Variants in LPP observed in about 807,000 individuals in gnomAD.
The protein encoded by LPP is LIM domain containing preferred translocation partner in lipoma.
A neutral mutation model predicts 60.4 loss-of-function variants in LPP; 38 were observed. That is an observed-to-expected ratio of 0.63 (90% CI 0.49 to 0.83). LPP has a LOEUF of 0.83. LPP is among the 40% of genes least tolerant of loss of function. The pLI, the probability that LPP is intolerant of heterozygous loss-of-function variation, is 0.00. For missense variants in LPP, 902 were observed against 783.6 expected (o/e 1.15, Z -1.80); for synonymous variants, 328 against 290.8 (o/e 1.13, Z -1.30).
intron 9 of LPP, among the ~76,000 whole-genome samples, chr3:188,800,417 T>C (rs1746778074): frequency 6.6e-6 from 1 of 151,890 alleles, no homozygotes; most frequent in Non-Finnish European, 1.5e-5. Flanking sequence ...GGCTAATTTT[T>C]TGTATTTTTA....
At chr3:188,415,118 A>T (rs182200862) in intron 4 of LPP, among the ~76,000 whole-genome samples, 64 of 152,334 alleles carry the variant, frequency 4.2e-4, no homozygotes, top group Non-Finnish European at 6.8e-4. Flanking sequence ...GGTGAGATAC[A>T]TATTAATCAT....
intron 7 of LPP, among the ~76,000 whole-genome samples, chr3:188,686,488 T>C (rs190116200): frequency 6.6e-6 from 1 of 152,114 alleles, no homozygotes; most frequent in Admixed American, 6.5e-5. Context: ...CTCCAGAGAG[T>C]GAAAAAGAGA....
At chr3:188,183,030 A>G (rs1725585262) in intron 1 of LPP, among the ~76,000 whole-genome samples, 1 of 152,104 alleles carries the variant, frequency 6.6e-6, no homozygotes, top group Non-Finnish European at 1.5e-5. Flanking sequence ...GAGCATCCCA[A>G]GGTCACATAA....
At chr3:188,582,183 C>T (rs7640552) in intron 6 of LPP, among the ~76,000 whole-genome samples, 15,563 of 118,796 alleles carry the variant, frequency 0.13, 1,590 homozygotes, top group East Asian at 0.38. Context: ...TTTTTTGAGA[C>T]AGACTCTCAT....
At chr3:188,525,150 A>G (rs1275234137) in intron 6 of LPP, among the ~76,000 whole-genome samples, 1 of 151,890 alleles carries the variant, frequency 6.6e-6, no homozygotes, top group Non-Finnish European at 1.5e-5. Context: ...TATTTTTAGT[A>G]GAGACCGGGT....
At chr3:188,373,615 T>C (rs1560314665) in intron 3 of LPP, among the ~76,000 whole-genome samples, 2 of 152,060 alleles carry the variant, frequency 1.3e-5, no homozygotes, top group Admixed American at 6.6e-5. Context: ...TAGCCCTTTG[T>C]CAGATGAGTA....
intron 9 of LPP, among the ~76,000 whole-genome samples, chr3:188,837,911 G>C (rs549953381): frequency 4.1e-4 from 63 of 152,098 alleles, no homozygotes; most frequent in African/African-American, 1.3e-3. Context: ...TCTAACTTTA[G>C]GTAATTCAGG....
chr3:188,814,129 A>G (rs1751841641), intron 9 of LPP, among the ~76,000 whole-genome samples: 1 of 152,036 alleles, frequency 6.6e-6, no homozygotes, highest in Admixed American at 6.6e-5. Context: ...ACACACACAC[A>G]CACGTCTATT....
intron 2 of LPP, among the ~76,000 whole-genome samples, chr3:188,235,826 A>T (rs1721701089): frequency 6.6e-6 from 1 of 152,168 alleles, no homozygotes; most frequent in Admixed American, 6.5e-5. Flanking sequence ...TACTACCAGA[A>T]TGCTTTGTGT....
At chr3:188,822,415 G>T (rs952287959) in intron 9 of LPP, among the ~76,000 whole-genome samples, 2 of 152,218 alleles carry the variant, frequency 1.3e-5, no homozygotes, top group South Asian at 4.1e-4. Flanking sequence ...ATTGATGAGA[G>T]CACTGAAATT....
chr3:188,442,870 G>T (rs1390241911), intron 4 of LPP, among the ~76,000 whole-genome samples: 1 of 152,152 alleles, frequency 6.6e-6, no homozygotes, highest in Non-Finnish European at 1.5e-5. Context: ...GCTCTGTGAA[G>T]AAGAAGAAGA....
intron 2 of LPP, among the ~76,000 whole-genome samples, chr3:188,326,944 A>G (rs1758586920): frequency 1.3e-5 from 2 of 152,142 alleles, no homozygotes; most frequent in African/African-American, 4.8e-5. Context: ...AAAGAGACAC[A>G]ATGAACGTGA....
Position 188,788,289 on chromosome 3 carries a change from C to G in LPP, c.1410+28007C>G, listed in dbSNP as rs567168876. 2.0e-5 allele frequency among the ~76,000 whole-genome samples: 3 copies of G among 152,334 alleles called. No individual in the cohort carries two copies. In the South Asian group the frequency reaches 6.2e-4, roughly 32 times the overall value. On this transcript the variant is annotated intron_variant, in intron 9 of 11. Transcript: ENST00000617246. The stretch of plus-strand genomic sequence containing the variant: ...ACACATGCACATCCACTTGTGCACA[C>G]ATACCTAAACACACACCCAAAACAG...
At chr3:188,873,602 A>G (rs894930728) in intron 11 of LPP, among the ~76,000 whole-genome samples, 2 of 150,734 alleles carry the variant, frequency 1.3e-5, no homozygotes, top group Non-Finnish European at 1.5e-5. Flanking sequence ...TTTTTGATCC[A>G]TTATCTTCTT....
chr3:188,580,735 T>C (rs1399141287), intron 6 of LPP, among the ~76,000 whole-genome samples: 1 of 152,178 alleles, frequency 6.6e-6, no homozygotes, highest in Admixed American at 6.6e-5. Context: ...CAGAAAATAG[T>C]GCCAGAAAAA....
intron 1 of LPP, among the ~76,000 whole-genome samples, chr3:188,218,866 T>C (rs1005617900): frequency 3.9e-5 from 6 of 152,188 alleles, no homozygotes; most frequent in African/African-American, 1.4e-4. Flanking sequence ...ATTATTCCCT[T>C]ATGTATATTG....
chr3:188,253,095 T>C (rs1730484142), intron 2 of LPP, among the ~76,000 whole-genome samples: 1 of 151,022 alleles, frequency 6.6e-6, no homozygotes, highest in Non-Finnish European at 1.5e-5. Context: ...TTTTTTAAAT[T>C]GGGTTTTTGG....
Position 188,505,178 on chromosome 3 carries a change from T to C in LPP, c.307-19487T>C, listed in dbSNP as rs1445304304. ...TTCCAAAATAAGTTGTTGATATAGA[T>C]GGTGGCAGTGCAATCGTTGTCTAGG... On this transcript the variant is annotated intron_variant, in intron 5 of 11. Coordinates refer to ENST00000617246, the MANE Select transcript of LPP (RefSeq NM_001375462.1). Among the ~76,000 whole-genome samples the C allele has an allele frequency of 2.0e-5, 3 of 152,220 alleles. No homozygotes were observed. The South Asian group carries it at 6.2e-4, about 32-fold the overall frequency.
intron 7 of LPP, among the ~76,000 whole-genome samples, chr3:188,650,283 G>A (rs1237885801): frequency 1.3e-5 from 2 of 152,178 alleles, no homozygotes; most frequent in Non-Finnish European, 2.9e-5. Flanking sequence ...TGAAGGTGAT[G>A]TCAATATTAT....
Sources: allele counts gnomAD v4.1 joint callset (sites outside exome capture counted in the v4.1 genomes callset), GRCh38; gene constraint gnomAD v4.1.1; transcripts MANE v1.5; gene names NCBI Gene and HGNC (gene_info 2026-07-23, HGNC 2026-07-21).